The following ZBED6 variants were observed in gnomAD, a reference collection of about 807,000 sequenced individuals.
ZBED6 encodes the protein zinc finger BED domain-containing protein 6.
A neutral mutation model predicts 58.4 loss-of-function variants in ZBED6; 40 were observed. That is an observed-to-expected ratio of 0.68 (90% CI 0.53 to 0.89). The LOEUF is 0.89. ZBED6 is among the 40% of genes least tolerant of loss of function. The pLI, the probability that ZBED6 is intolerant of heterozygous loss-of-function variation, is 0.00. For synonymous variants in ZBED6, 439 were observed against 350.6 expected (o/e 1.25, Z -2.82); for missense variants, 1,057 against 1,003.9 (o/e 1.05, Z -0.71).
At chr1:203,799,045 C>A (rs534745068) in exon 1 of ZBED6, 2 of 1,536,080 alleles carry the variant, frequency 1.3e-6, no homozygotes, top group East Asian at 4.9e-5. Flanking sequence ...TTGGAAACTG[C>A]GTCTTTTCTC....
At chr1:203,835,690 T>A in intron 9 of ZBED6, 1 of 249,628 alleles carries the variant, frequency 4.0e-6, no homozygotes, top group Admixed American at 4.4e-5. Context: ...TGGGCTTGAG[T>A]TACCTTTCCC....
chr1:203,812,083 C>T (rs1385463433), intron 1 of ZBED6, among the ~76,000 whole-genome samples: 2 of 152,144 alleles, frequency 1.3e-5, no homozygotes, highest in African/African-American at 4.8e-5. Flanking sequence ...TCCCAAAGTG[C>T]TGGGATTACA....
At chr1:203,802,635 T>A (rs922547225) in exon 1 of ZBED6, 12 of 152,406 alleles carry the variant, frequency 7.9e-5, no homozygotes, top group South Asian at 2.1e-4. Context: ...GTTTTTTTTT[T>A]AAATTATATT....
exon 1 of ZBED6, chr1:203,800,085 A>G: frequency 6.5e-7 from 1 of 1,536,078 alleles, no homozygotes; most frequent in Non-Finnish European, 8.7e-7. Flanking sequence ...TGCCCTTGGA[A>G]GCAAAAGCTT....
At chr1:203,799,293 G>A in exon 1 of ZBED6, 1 of 720,692 alleles carries the variant, frequency 1.4e-6, no homozygotes, top group Non-Finnish European at 2.5e-6. Flanking sequence ...TTTAAATATG[G>A]TCATTCAGGA....
chr1:203,797,548 C>A, exon 1 of ZBED6: 2 of 1,524,804 alleles, frequency 1.3e-6, no homozygotes, highest in South Asian at 1.2e-5. Flanking sequence ...CTAAGTGTAC[C>A]AGTTTCTTCA....
exon 1 of ZBED6, chr1:203,798,682 A>G (rs1158187294): frequency 5.9e-6 from 9 of 1,536,058 alleles, no homozygotes; most frequent in Non-Finnish European, 7.8e-6. Context: ...CCCGTTGCAG[A>G]GCAAGGCACT....
At chr1:203,832,521 T>A (rs998948353) in intron 8 of ZBED6, among the ~76,000 whole-genome samples, 1 of 152,040 alleles carries the variant, frequency 6.6e-6, no homozygotes, top group Non-Finnish European at 1.5e-5. Context: ...CCACCACGCC[T>A]GGCTAATTTT....
chr1:203,844,006 C>T (rs540026767), intron 11 of ZBED6, among the ~76,000 whole-genome samples: 9 of 149,882 alleles, frequency 6.0e-5, no homozygotes, highest in East Asian at 2.0e-4. Flanking sequence ...TACAGGCATG[C>T]GCTACCACGC....
intron 1 of ZBED6, chr1:203,814,974 T>G (rs2102722924): frequency 6.6e-6 from 1 of 151,876 alleles, no homozygotes; most frequent in Admixed American, 6.6e-5. Flanking sequence ...GGACTACAGG[T>G]GTGTGCCACC....
At chr1:203,803,118 C>G (rs747289528) in intron 1 of ZBED6, 102 bp downstream of exon 1, 2 of 152,292 alleles carry the variant, frequency 1.3e-5, no homozygotes, top group African/African-American at 2.4e-5. Flanking sequence ...GGCCATTGTT[C>G]AGACATTTTT....
exon 1 of ZBED6, chr1:203,798,111 G>A (rs1343284470): frequency 3.9e-6 from 6 of 1,536,138 alleles, no homozygotes; most frequent in Non-Finnish European, 4.4e-6. Context: ...TAGTGGAGAG[G>A]AGGACTTTAC....
At chr1:203,797,412 C>T in exon 1 of ZBED6, 2 of 1,072,562 alleles carry the variant, frequency 1.9e-6, no homozygotes, top group South Asian at 3.9e-5. Flanking sequence ...AATTTGATTC[C>T]CCATAGAAAC....
chr1:203,806,124 C>A, intron 1 of ZBED6: 1 of 503,004 alleles, frequency 2.0e-6, no homozygotes, highest in South Asian at 1.5e-5. Context: ...TCATCTTGAT[C>A]TGGTCCTTAT....
chr1:203,804,999 T>C (rs1294378336), intron 1 of ZBED6, among the ~76,000 whole-genome samples: 2 of 152,104 alleles, frequency 1.3e-5, no homozygotes, highest in Non-Finnish European at 2.9e-5. Flanking sequence ...TATATGTTTG[T>C]AATTTATGCC....
At chr1:203,798,955 A>G in exon 1 of ZBED6, 1 of 1,536,124 alleles carries the variant, frequency 6.5e-7, no homozygotes, top group Non-Finnish European at 8.7e-7. Context: ...GTTCAAAGCC[A>G]AAAGATACAC....
chr1:203,808,139 A>G (rs1488079938), intron 1 of ZBED6, among the ~76,000 whole-genome samples: 2 of 152,176 alleles, frequency 1.3e-5, no homozygotes, highest in Admixed American at 6.5e-5. Context: ...GTATAAGTAC[A>G]TAGGTGATAT....
At chr1:203,800,427 G>A (rs1670201817) in exon 1 of ZBED6, 2 of 1,404,334 alleles carry the variant, frequency 1.4e-6, no homozygotes, top group Middle Eastern at 1.8e-4. Flanking sequence ...GCAGAATGAA[G>A]TTGTTCAAAG....
intron 12 of ZBED6, among the ~76,000 whole-genome samples, chr1:203,847,905 C>T (rs185944435): frequency 6.6e-6 from 1 of 152,182 alleles, no homozygotes; most frequent in African/African-American, 2.4e-5. Context: ...ACCCAGGCTG[C>T]AGTGCAGTGG....
Sources: allele counts gnomAD v4.1 joint callset (sites outside exome capture counted in the v4.1 genomes callset), GRCh38; gene constraint gnomAD v4.1.1; transcripts MANE v1.5; gene names NCBI Gene and HGNC (gene_info 2026-07-23, HGNC 2026-07-21).